USP13: variants seen among roughly 807,000 people sequenced by gnomAD.
USP13 encodes the protein ubiquitin carboxyl-terminal hydrolase 13.
Under a neutral mutation model 107.8 loss-of-function variants are expected in USP13, and 68 were observed. The observed-to-expected ratio is 0.63, with a 90% CI of 0.52 to 0.77. USP13 has a LOEUF of 0.77. Ranked by LOEUF, USP13 falls within the 30% of genes least tolerant of loss-of-function variation. The pLI, the probability that USP13 is intolerant of heterozygous loss-of-function variation, is 0.00. For synonymous variants in USP13, 377 were observed against 389.5 expected (o/e 0.97, Z 0.38); for missense variants, 945 against 1,093.3 (o/e 0.86, Z 1.91).
rs1335995711 is a variant in USP13, at chr3:179,653,535, A to G, written c.168+142A>G. Reference sequence around the variant, plus strand: ...TGGCTCAGGAACACTGCAGTTCGGCAGACACTTAGTGAGCGCCCCAGGGCT... The same window carrying G: ...TGGCTCAGGAACACTGCAGTTCGGCGGACACTTAGTGAGCGCCCCAGGGCT... On this transcript the variant is annotated intron_variant, in intron 1 of 20. Transcript: ENST00000263966. This position sits in a 1 kb window ranked among gnomAD's most constrained non-coding sequence, Gnocchi z 4.0. 1 of 1,213,554 alleles carries G rather than the reference A, an allele frequency of 8.2e-7. No individual in the cohort carries two copies. The highest frequency in any genetic ancestry group is 1.1e-6 in the Non-Finnish European group (1 of 885,470). The allele number at this position is 1,213,554 out of a possible 1,614,324, so 75.2% of individuals were successfully genotyped here.
rs1254177876 is a variant in USP13, at chr3:179,727,580, A to C, written c.1089-2609A>C. ...CACGTCTACCTCTTTCTACACAGAC[A>C]CGGCAACCATCCGATTTCTCAATCT... On this transcript the variant is annotated intron_variant, in intron 8 of 20. Transcript: ENST00000263966. 3.5e-4 allele frequency among the ~76,000 whole-genome samples: 41 copies of C among 115,800 alleles called. No individual in the cohort carries two copies. The South Asian group carries it at 7.9e-3, about 22-fold the overall frequency. 76.0% of individuals were successfully genotyped at this position (115,800 alleles called of 152,430 possible). A position where few individuals can be genotyped will look rare whatever the true frequency, so the allele number is the denominator to read the frequency against.
intron 2 of USP13, among the ~76,000 whole-genome samples, chr3:179,687,659 C>CAAAAAAAAAAAA (rs71182509): frequency 0.034 from 625 of 18,504 alleles, 213 homozygotes; most frequent in East Asian, 0.16. Context: ...AACTCTGTCT[C>CAAAAAAAAAAAA]AAAAAAAAAA....
intron 10 of USP13, among the ~76,000 whole-genome samples, chr3:179,736,768 A>G (rs917679833): frequency 1.3e-5 from 2 of 152,210 alleles, no homozygotes; most frequent in African/African-American, 2.4e-5. Context: ...CATGGTCTCT[A>G]TTGAAACTTC....
rs1714328525 is a variant in USP13 at position 179,744,543 on chromosome 3, G to C, written c.1535-500G>C. 3.3e-5 allele frequency among the ~76,000 whole-genome samples: 5 copies of C among 152,234 alleles called. No homozygotes were observed. The South Asian group carries it at 1.0e-3, about 32-fold the overall frequency. ...GAGGGAGTGCTGATCAGAGTTTTAA[G>C]TCCAGCTTTGCCAATAATTGGCTGG... On this transcript the variant is annotated intron_variant, in intron 12 of 20. Transcript: ENST00000263966.
chr3:179,766,066 G>A (rs532653316), intron 19 of USP13, among the ~76,000 whole-genome samples: 8 of 150,298 alleles, frequency 5.3e-5, no homozygotes, highest in Non-Finnish European at 1.0e-4. Flanking sequence ...TGCAACCTCC[G>A]CCTCCCAGGT....
intron 2 of USP13, among the ~76,000 whole-genome samples, chr3:179,689,719 G>T (rs1712041145): frequency 6.6e-6 from 1 of 152,052 alleles, no homozygotes; most frequent in Non-Finnish European, 1.5e-5. Context: ...ATAGCCACTT[G>T]TCGGTGCTCC....
chr3:179,734,248 A>G (rs921854116), intron 10 of USP13, among the ~76,000 whole-genome samples: 2 of 152,244 alleles, frequency 1.3e-5, no homozygotes, highest in African/African-American at 4.8e-5. Flanking sequence ...TTACTTAAAT[A>G]TGTTGAATTG....
At chr3:179,659,021 C>T (rs1720375058) in intron 1 of USP13, among the ~76,000 whole-genome samples, 1 of 152,152 alleles carries the variant, frequency 6.6e-6, no homozygotes, top group African/African-American at 2.4e-5. Context: ...GCCCCTTACT[C>T]CCACCTCTTC....
chr3:179,677,437 G>A (rs1342915348), intron 1 of USP13, among the ~76,000 whole-genome samples: 2 of 151,896 alleles, frequency 1.3e-5, no homozygotes, highest in Admixed American at 6.6e-5. Context: ...AACATTAGCC[G>A]GGTGTCGTGG....
At chr3:179,749,098 T>C (rs1248025029) in intron 13 of USP13, among the ~76,000 whole-genome samples, 1 of 152,214 alleles carries the variant, frequency 6.6e-6, no homozygotes, top group Non-Finnish European at 1.5e-5. Context: ...TTATGGTTTT[T>C]TTTAGTTGTT....
intron 1 of USP13, among the ~76,000 whole-genome samples, chr3:179,662,923 G>A (rs1300289526): frequency 6.6e-6 from 1 of 152,176 alleles, no homozygotes; most frequent in Non-Finnish European, 1.5e-5. Flanking sequence ...ATTGAGAGGT[G>A]TATGGTATCA....
At chr3:179,743,498 T>A (rs955358576) in intron 12 of USP13, among the ~76,000 whole-genome samples, 1 of 152,066 alleles carries the variant, frequency 6.6e-6, no homozygotes, top group East Asian at 1.9e-4. Context: ...TGGAAAGTGA[T>A]GATTATGATG....
At chr3:179,761,058 A>G (rs1490198743) in intron 16 of USP13, 54 bp from the exon 17 acceptor site, 2 of 1,608,600 alleles carry the variant, frequency 1.2e-6, no homozygotes, top group Admixed American at 1.7e-5. Flanking sequence ...AGTAGCTAAG[A>G]CAAGAAGCGA....
chr3:179,745,236 G>T lies in USP13; in HGVS notation c.1709+19G>T. 6.2e-7 allele frequency: 1 copy of T among 1,612,724 alleles called. No individual in the cohort carries two copies. The highest frequency in any genetic ancestry group is 8.5e-7 in the Non-Finnish European group (1 of 1,179,152). On this transcript the variant is annotated intron_variant, in intron 13 of 20. Coordinates refer to ENST00000263966, the MANE Select transcript of USP13 (RefSeq NM_003940.3). ...GTGTGAAGTAAGTGTGTGTATATGT[G>T]GTGGCAGTGGGGTGAGGAGGGGCCT...
intron 16 of USP13, among the ~76,000 whole-genome samples, chr3:179,760,642 T>G (rs1204171431): frequency 6.6e-6 from 1 of 151,328 alleles, no homozygotes; most frequent in Non-Finnish European, 1.5e-5. Flanking sequence ...TACTTAACAT[T>G]TGCACTCTCC....
chr3:179,720,811 CTTT>C (rs1215405779), intron 7 of USP13, among the ~76,000 whole-genome samples: 1 of 142,472 alleles, frequency 7.0e-6, no homozygotes, highest in Non-Finnish European at 1.5e-5. Context: ...TCTTTAAAAT[CTTT>C]TTTTTTTTTT....
chr3:179,722,432 T>C lies in USP13; in HGVS notation c.1088+843T>C, dbSNP rs73885918. On this transcript the variant is annotated intron_variant, in intron 8 of 20. Transcript: ENST00000263966. ...AAATTGTAACAATTTGATGTTGCTG[T>C]TGTGTTTTACAAGTGGCATTTCATT... Among the ~76,000 whole-genome samples, 1,452 of 152,326 alleles carry C rather than the reference T, an allele frequency of 9.5e-3. 26 individuals are homozygous for C. The highest frequency in any genetic ancestry group is 0.033 in the African/African-American group (1,389 of 41,552).
intron 10 of USP13, among the ~76,000 whole-genome samples, chr3:179,731,967 C>T (rs889501903): frequency 6.6e-6 from 1 of 151,074 alleles, no homozygotes; most frequent in African/African-American, 2.5e-5. Flanking sequence ...AGGAAGCCAG[C>T]TAGTTGTGGA....
At chr3:179,758,230 C>G (rs973283534) in intron 16 of USP13, among the ~76,000 whole-genome samples, 5 of 152,098 alleles carry the variant, frequency 3.3e-5, no homozygotes, top group African/African-American at 1.2e-4. Context: ...TCTCATGCCA[C>G]TAGACTATCC....
Sources: allele counts gnomAD v4.1 joint callset (sites outside exome capture counted in the v4.1 genomes callset), GRCh38; gene constraint gnomAD v4.1.1; non-coding constraint Gnocchi (gnomAD v3.1); transcripts MANE v1.5; gene names NCBI Gene and HGNC (gene_info 2026-07-23, HGNC 2026-07-21).